Variants in DLG2 observed in about 807,000 individuals in gnomAD.
DLG2 encodes discs large MAGUK scaffold protein 2.
In DLG2, 45 loss-of-function variants were observed where a neutral mutation model predicts 132.5. The ratio of observed to expected loss-of-function variants is 0.34; its 90% CI spans 0.27 to 0.44. DLG2 has a LOEUF of 0.44. Among genes scored for constraint, DLG2 ranks in the 20% least tolerant of loss-of-function variants. DLG2 has a pLI of 1.00. For missense variants in DLG2, 1,045 were observed against 1,196.9 expected, an observed-to-expected ratio of 0.87 and a Z score of 1.87; for synonymous variants, 424 against 419.6, an observed-to-expected ratio of 1.01 and a Z score of -0.13.
chr11:84,241,486 C>T (rs759230688), intron 8 of DLG2, among the ~76,000 whole-genome samples: 1 of 152,090 alleles, frequency 6.6e-6, no homozygotes, highest in Non-Finnish European at 1.5e-5. Flanking sequence ...CAGAGATAAG[C>T]AAGGCGTGTT....
intron 5 of DLG2, among the ~76,000 whole-genome samples, chr11:85,124,411 TC>T (rs377209939): frequency 1.3e-3 from 194 of 152,360 alleles, no homozygotes; most frequent in African/African-American, 4.6e-3. Flanking sequence ...TCTCATCCTT[TC>T]CATGTATAGA....
At position 84,748,077 on chromosome 11, in the gene DLG2, CAA is replaced by C. The variant is rs1478473842; in HGVS notation, c.358-213348_358-213347del. 3.3e-5 allele frequency among the ~76,000 whole-genome samples: 5 copies of C among 152,206 alleles called. No individual in the cohort carries two copies. In the East Asian group the frequency reaches 9.6e-4, roughly 29 times the overall value. On this transcript the variant is annotated intron_variant, in intron 6 of 27. Coordinates refer to ENST00000376104, the MANE Select transcript of DLG2 (RefSeq NM_001142699.3). ...TTTCCTGTGGTTTCTTGAGTAGAAT[CAA>C]AGACACCTGACAGGGCAACATCTGC...
In DLG2 at chr11:84,682,179, C is replaced by T. The variant is rs538417246; in HGVS notation, c.358-147448G>A. 2.0e-5 allele frequency among the ~76,000 whole-genome samples: 3 copies of T among 152,272 alleles called. No homozygotes were observed. The East Asian group carries it at 5.8e-4, about 29-fold the overall frequency. On this transcript the variant is annotated intron_variant, in intron 6 of 27. Transcript: ENST00000376104. ...CTCGCATTAAGCCCCACCTCCAACA[C>T]TGGTAATCAAATTTCAACATGAGAT...
chr11:84,212,932 A>G (rs1220178103), intron 8 of DLG2, among the ~76,000 whole-genome samples: 2 of 152,302 alleles, frequency 1.3e-5, no homozygotes, highest in African/African-American at 4.8e-5. Context: ...TACTGGGATT[A>G]CAGGCGTGAG....
intron 19 of DLG2, among the ~76,000 whole-genome samples, chr11:83,583,788 T>C (rs2145080527): frequency 6.6e-6 from 1 of 152,326 alleles, no homozygotes; most frequent in South Asian, 2.1e-4. Context: ...GTTTCATTAA[T>C]AAAGTAATGA....
At chr11:84,014,155 C>T (rs185523040) in intron 11 of DLG2, among the ~76,000 whole-genome samples, 32 of 152,124 alleles carry the variant, frequency 2.1e-4, no homozygotes, top group Non-Finnish European at 3.7e-4. Flanking sequence ...GCTGCTGTTG[C>T]TGTTGCTGTA....
intron 4 of DLG2, among the ~76,000 whole-genome samples, chr11:85,213,369 A>T (rs893064080): frequency 4.0e-5 from 6 of 151,790 alleles, no homozygotes; most frequent in Non-Finnish European, 8.8e-5. Context: ...ACATTGGTTT[A>T]GTCCAGAAAG....
intron 6 of DLG2, among the ~76,000 whole-genome samples, chr11:85,068,957 C>T (rs1358231884): frequency 2.6e-5 from 4 of 151,974 alleles, no homozygotes; most frequent in South Asian, 4.2e-4. Context: ...AACAGAGATA[C>T]AGAGCAATGG....
At position 83,716,174 on chromosome 11, in the gene DLG2, G is replaced by A. The variant is rs145006073; in HGVS notation, c.1825+70516C>T. Among the ~76,000 whole-genome samples the A allele has an allele frequency of 9.2e-5, 14 of 152,288 alleles. No homozygotes were observed. The East Asian group carries it at 2.5e-3, about 27-fold the overall frequency. On this transcript the variant is annotated intron_variant, in intron 18 of 27. Transcript: ENST00000376104. ...CTAACTCCAAAGGTCAGGGAAGCAC[G>A]TGTTTTTTTGTTTGTTTTTTCTTTC... is the stretch of plus-strand genomic sequence containing the variant.
intron 10 of DLG2, among the ~76,000 whole-genome samples, chr11:84,066,418 T>C (rs1158410201): frequency 6.6e-6 from 1 of 152,142 alleles, no homozygotes; most frequent in African/African-American, 2.4e-5. Flanking sequence ...CACACTTAAC[T>C]CAACCACACC....
intron 3 of DLG2, among the ~76,000 whole-genome samples, chr11:85,515,831 G>C (rs1306318157): frequency 6.6e-6 from 1 of 151,948 alleles, no homozygotes; most frequent in African/African-American, 2.4e-5. Flanking sequence ...TGAAGATCTG[G>C]TTTGTGATGA....
At chr11:85,554,735 A>C (rs77300868) in intron 3 of DLG2, among the ~76,000 whole-genome samples, 1 of 149,834 alleles carries the variant, frequency 6.7e-6, no homozygotes, top group Non-Finnish European at 1.5e-5. Flanking sequence ...CGTTTATTGC[A>C]CCAGAGGTCA....
intron 19 of DLG2, among the ~76,000 whole-genome samples, chr11:83,606,256 A>G (rs1339151380): frequency 6.6e-6 from 1 of 152,224 alleles, no homozygotes; most frequent in African/African-American, 2.4e-5. Context: ...GCTAACATTT[A>G]TAGAATATAT....
chr11:85,224,370 A>G (rs971677888), intron 4 of DLG2, among the ~76,000 whole-genome samples: 1 of 152,174 alleles, frequency 6.6e-6, no homozygotes, highest in African/African-American at 2.4e-5. Flanking sequence ...ATTTTGTTTA[A>G]TACAAGTTGA....
chr11:83,997,811 G>A lies in DLG2; in HGVS notation c.920-17169C>T, dbSNP rs992165147. Among the ~76,000 whole-genome samples the A allele has an allele frequency of 1.3e-4, 18 of 139,062 alleles. 1 individual carries two copies. Among genetic ancestry groups the A allele is most frequent in the Admixed American group, 1.1e-3 (15 of 13,606 alleles). 91.2% of individuals were successfully genotyped at this position (139,062 alleles called of 152,430 possible). A position where few individuals can be genotyped will look rare whatever the true frequency, so the allele number is the denominator to read the frequency against. On this transcript the variant is annotated intron_variant, in intron 11 of 27. Transcript: ENST00000376104. ...CTCATACAAACAGGAAACCCAAATC[G>A]TTTATCAGGAAAGAAGAGGTGACAA...
intron 6 of DLG2, among the ~76,000 whole-genome samples, chr11:84,911,382 T>C (rs2092043786): frequency 6.6e-6 from 1 of 151,860 alleles, no homozygotes. Flanking sequence ...GACTTAATTA[T>C]ATCCCATTAA....
At chr11:84,280,607 A>G (rs2097843973) in intron 7 of DLG2, among the ~76,000 whole-genome samples, 1 of 152,196 alleles carries the variant, frequency 6.6e-6, no homozygotes, top group African/African-American at 2.4e-5. Context: ...AAGAAAAAAG[A>G]GGATATAATA....
intron 16 of DLG2, among the ~76,000 whole-genome samples, chr11:83,849,942 T>C (rs1383393837): frequency 6.6e-6 from 1 of 151,982 alleles, no homozygotes; most frequent in Non-Finnish European, 1.5e-5. Flanking sequence ...AAGAGGTCCA[T>C]GTAATTGAAG....
intron 25 of DLG2, among the ~76,000 whole-genome samples, chr11:83,467,769 A>ATG (rs1235200847): frequency 4.7e-3 from 293 of 62,020 alleles, no homozygotes; most frequent in Non-Finnish European, 6.2e-3. Context: ...TAAAAACTAT[A>ATG]TGTATATATA....
Sources: gnomAD v4.1 joint callset for allele counts (sites outside exome capture counted in the v4.1 genomes callset) on GRCh38, gnomAD v4.1.1 for gene constraint, MANE v1.5 for transcripts, NCBI Gene and HGNC (gene_info 2026-07-23, HGNC 2026-07-21) for gene names.